Variants in PRRC2C observed in about 807,000 individuals in gnomAD.
PRRC2C encodes proline rich coiled-coil 2C, also known as protein PRRC2C.
PRRC2C carries 72 observed loss-of-function variants against 317.2 expected under a neutral mutation model. That is an observed-to-expected ratio of 0.23 (90% CI 0.19 to 0.28). PRRC2C has a LOEUF of 0.28. PRRC2C is among the 10% of genes least tolerant of loss of function. The pLI, the probability that PRRC2C is intolerant of heterozygous loss-of-function variation, is 1.00. For missense variants in PRRC2C, 3,074 were observed against 3,459.7 expected (o/e 0.89, Z 2.80); for synonymous variants, 1,296 against 1,205.9 (o/e 1.07, Z -1.55).
At position 171,587,309 on chromosome 1, in the gene PRRC2C, A is replaced by G. The variant is rs1650265285; in HGVS notation, c.7968+88A>G. 7 of 1,233,272 alleles carry G rather than the reference A, an allele frequency of 5.7e-6. No individual in the cohort carries two copies. The East Asian group carries it at 1.5e-4, about 27-fold the overall frequency. 76.4% of individuals were successfully genotyped at this position (1,233,272 alleles called of 1,614,324 possible). A position where few individuals can be genotyped will look rare whatever the true frequency, so the allele number is the denominator to read the frequency against. On this transcript the variant is annotated intron_variant, in intron 31 of 34. Transcript: ENST00000647382. Reference sequence around the variant, plus strand: ...CATCTGTGTTATCTAAAAAACTAAAATGCGTCAGTTTTTACCACCCTGCAA... The same window carrying G: ...CATCTGTGTTATCTAAAAAACTAAAGTGCGTCAGTTTTTACCACCCTGCAA...
At position 171,545,503 on chromosome 1, in the gene PRRC2C, C is replaced by T; in HGVS notation, c.4788C>T (p.Gly1596=). 2.5e-6 allele frequency: 4 copies of T among 1,575,170 alleles called. No homozygotes were observed. The highest frequency in any genetic ancestry group is 2.7e-5 in the African/African-American group (2 of 73,796). The change falls in exon 17 of 35, where the codon GGC becomes GGT. Residue 1596 remains glycine (G), a synonymous_variant. Transcript: ENST00000647382. ...KRGPFDDQPA[G]TTGVDLINGS... ...GGCCATTTGATGACCAGCCTGCAGG[C>T]ACAACTGGGGTTGACCTCATCAATG... is the stretch of plus-strand genomic sequence containing the variant.
chr1:171,487,566 A>G (rs992941053), intron 1 of PRRC2C, among the ~76,000 whole-genome samples: 1 of 152,188 alleles, frequency 6.6e-6, no homozygotes, highest in African/African-American at 2.4e-5. Context: ...GAGATAACTT[A>G]AAACTAACTC....
intron 18 of PRRC2C, among the ~76,000 whole-genome samples, chr1:171,552,708 CT>C (rs754481269): frequency 4.3e-4 from 66 of 152,268 alleles, no homozygotes; most frequent in Middle Eastern, 3.4e-3. Context: ...TTTTCTGCAT[CT>C]ATTGAGATAA....
chr1:171,552,504 A>G (rs1680463386), intron 18 of PRRC2C, among the ~76,000 whole-genome samples: 1 of 152,156 alleles, frequency 6.6e-6, no homozygotes, highest in South Asian at 2.1e-4. Context: ...ACTATGCTGA[A>G]TAGGAGTGTT....
rs759483379 is a variant in PRRC2C, at chr1:171,524,889, C to T, written c.1124C>T (p.Thr375Ile). 1.9e-6 allele frequency: 3 copies of T among 1,609,928 alleles called. No individual in the cohort carries two copies. The highest frequency in any genetic ancestry group is 1.7e-6 in the Non-Finnish European group (2 of 1,177,778). The change falls in exon 10 of 35, where the codon ACT (threonine) becomes ATT (isoleucine). Residue 375 changes from threonine (T) to isoleucine (I), a missense_variant. Thr to Ile is a moderately conservative substitution (Grantham distance 89). Around this residue, in one of 11 missense-constraint regions of PRRC2C, gnomAD observed 1,320 missense variants for 1,395.7 expected, o/e 0.95. Coordinates refer to ENST00000647382, the MANE Select transcript of PRRC2C (RefSeq NM_001387844.1). ...AAAGAAACAGATGAAGTTTCCAACACTAAATCATCTTCCCAAATACCTGCC... is the reference window on the plus strand; with the variant it reads ...AAAGAAACAGATGAAGTTTCCAACATTAAATCATCTTCCCAAATACCTGCC... ...NKKETDEVSN[T>I]KSSSQIPAQP...
chr1:171,590,021 C>A (rs1451977012), intron 34 of PRRC2C, among the ~76,000 whole-genome samples: 2 of 149,728 alleles, frequency 1.3e-5, no homozygotes, highest in South Asian at 2.1e-4. Context: ...TTCTTCCCCC[C>A]TTTCCCCTGA....
intron 16 of PRRC2C, among the ~76,000 whole-genome samples, chr1:171,544,969 G>A (rs760717210): frequency 1.8e-4 from 28 of 152,174 alleles, no homozygotes; most frequent in Middle Eastern, 3.4e-3. Context: ...GGATACATTT[G>A]GTTTGTGAAG....
Position 171,535,586 on chromosome 1 carries a change from C to G in PRRC2C, c.2032C>G (p.Gln678Glu). 1.9e-6 allele frequency: 3 copies of G among 1,613,554 alleles called. No individual in the cohort carries two copies. The highest frequency in any genetic ancestry group is 2.5e-6 in the Non-Finnish European group (3 of 1,179,760). Residue 678 changes from glutamine (Q) to glutamate (E), a missense_variant, in exon 13 of 35, where the codon CAG (glutamine) becomes GAG (glutamate). Physicochemically the swap from Gln to Glu is conservative, Grantham distance 29. Transcript: ENST00000647382. Reference protein sequence around the residue: ...QFQKSLPPRFQRQQEQMKQQQ... With the variant: ...QFQKSLPPRFERQQEQMKQQQ... The stretch of plus-strand genomic sequence containing the variant: ...TCAGAAGTCTTTACCTCCACGATTC[C>G]AGCGGCAGCAGGTAATGATAAAAAT...
intron 25 of PRRC2C, among the ~76,000 whole-genome samples, chr1:171,576,402 A>C (rs1163458313): frequency 6.6e-6 from 1 of 152,174 alleles, no homozygotes; most frequent in Non-Finnish European, 1.5e-5. Flanking sequence ...GATTCACTAG[A>C]AGGATAGAAG....
At chr1:171,492,599 AACTGGTC>A (rs1334308405) in intron 1 of PRRC2C, among the ~76,000 whole-genome samples, 1 of 152,080 alleles carries the variant, frequency 6.6e-6, no homozygotes, top group Non-Finnish European at 1.5e-5. Context: ...AGGAGGGGTG[AACTGGTC>A]CAGGTTGGCA....
At chr1:171,523,610 A>G (rs1339949903) in intron 9 of PRRC2C, 88 bp downstream of exon 9, 6 of 1,096,990 alleles carry the variant, frequency 5.5e-6, no homozygotes, top group South Asian at 1.4e-5. Flanking sequence ...TTAATAGACA[A>G]TTGTTTGTTA....
Position 171,541,736 on chromosome 1 carries a change from A to T in PRRC2C, c.4270A>T (p.Arg1424Trp). The T allele has an allele frequency of 6.2e-7, 1 of 1,614,012 alleles. No homozygotes were observed. Among genetic ancestry groups the T allele is most frequent in the Non-Finnish European group, 8.5e-7 (1 of 1,179,888 alleles). Reference sequence around the variant, plus strand: ...TGACCCAGCTAGAGAAAGGCCTCGAAGGCAGCGTCCTACTCGACCACCAAG... The same window carrying T: ...TGACCCAGCTAGAGAAAGGCCTCGATGGCAGCGTCCTACTCGACCACCAAG... Reference protein sequence around the residue: ...KFDPARERPRRQRPTRPPRQD... With the variant: ...KFDPARERPRWQRPTRPPRQD... The change falls in exon 16 of 35, where the codon AGG becomes TGG. Residue 1424 changes from arginine (R) to tryptophan (W), a missense_variant. Arg to Trp is a moderately radical substitution (Grantham distance 101, BLOSUM62 -3). Coordinates refer to ENST00000647382, the MANE Select transcript of PRRC2C (RefSeq NM_001387844.1). This position sits in a 1 kb window ranked among gnomAD's most constrained non-coding sequence, Gnocchi z 4.1.
chr1:171,518,638 C>T (rs1672921352), intron 6 of PRRC2C, among the ~76,000 whole-genome samples: 1 of 133,774 alleles, frequency 7.5e-6, no homozygotes, highest in South Asian at 2.6e-4. Context: ...GCTGAAATTA[C>T]AGGCATATGC....
chr1:171,540,823 T>A lies in PRRC2C; in HGVS notation c.3357T>A (p.Pro1119=), dbSNP rs762116019. 3.1e-6 allele frequency: 5 copies of A among 1,613,752 alleles called. No homozygotes were observed. Among genetic ancestry groups the A allele is most frequent in the Non-Finnish European group, 4.2e-6 (5 of 1,179,822 alleles). The change falls in exon 16 of 35, where the codon CCT becomes CCA. Residue 1119 remains proline (P), a synonymous_variant. Transcript: ENST00000647382. ...LEPVSTVQVE[P]AVKTVNQQTM... ...CTGTGAGTACTGTTCAGGTAGAGCCTGCAGTTAAGACTGTAAACCAACAGA... is the reference window on the plus strand; with the variant it reads ...CTGTGAGTACTGTTCAGGTAGAGCCAGCAGTTAAGACTGTAAACCAACAGA...
chr1:171,512,581 G>T, intron 2 of PRRC2C: 1 of 253,636 alleles, frequency 3.9e-6, no homozygotes. Flanking sequence ...GTGTGTGTGT[G>T]TGTGTGTTAG....
At position 171,579,776 on chromosome 1, in the gene PRRC2C, T is replaced by G. The variant is rs951708124; in HGVS notation, c.7273-52T>G. On this transcript the variant is annotated intron_variant, in intron 27 of 34. Transcript: ENST00000647382. ...TTTTTATATTCCAGTGTTAATGATT[T>G]ATCTGTATGATGTTGATATATATGT... The G allele has an allele frequency of 2.7e-6, 4 of 1,478,590 alleles. No individual in the cohort carries two copies. The African/African-American group carries it at 5.6e-5, about 21-fold the overall frequency. The allele number at this position is 1,478,590 out of a possible 1,614,324, so 91.6% of individuals were successfully genotyped here. A position where few individuals can be genotyped will look rare whatever the true frequency, so the allele number is the denominator to read the frequency against.
At position 171,533,004 on chromosome 1, in the gene PRRC2C, A is replaced by G. The variant is rs752303420; in HGVS notation, c.1873+43A>G. On this transcript the variant is annotated intron_variant, in intron 12 of 34. Transcript: ENST00000647382. ...ATTCTCTTTTAAAAACTTTACAAAG[A>G]GCTTTATGTTGGTTACAGTTTGGGG... The G allele has an allele frequency of 4.9e-5, 72 of 1,480,220 alleles. 2 individuals are homozygous for G. The South Asian group carries it at 9.5e-4, about 20-fold the overall frequency. 91.7% of individuals were successfully genotyped at this position (1,480,220 alleles called of 1,614,324 possible). A position where few individuals can be genotyped will look rare whatever the true frequency, so the allele number is the denominator to read the frequency against.
intron 19 of PRRC2C, among the ~76,000 whole-genome samples, chr1:171,559,509 G>GTTTT (rs869093669): frequency 5.0e-4 from 17 of 33,742 alleles, no homozygotes; most frequent in Non-Finnish European, 9.2e-4. Flanking sequence ...TACCAAGTTT[G>GTTTT]TTTTTTTTTT....
In PRRC2C at chr1:171,517,474, T is replaced by C. The variant is rs566775168; in HGVS notation, c.527-117T>C. On this transcript the variant is annotated intron_variant, in intron 5 of 34. Transcript: ENST00000647382. ...AGCATTAGTAGGACCTGGATTAGAC[T>C]TTTCCTGCTCTTTCACTCTGCTTAC... 1.1e-4 allele frequency: 103 copies of C among 956,294 alleles called. No homozygotes were observed. The African/African-American group carries it at 1.6e-3, about 15-fold the overall frequency. The allele number at this position is 956,294 out of a possible 1,614,324, so 59.2% of individuals were successfully genotyped here.
Sources: allele counts gnomAD v4.1 joint callset (sites outside exome capture counted in the v4.1 genomes callset), GRCh38; gene constraint gnomAD v4.1.1; regional missense constraint gnomAD v4.1.1; non-coding constraint Gnocchi (gnomAD v3.1); transcripts MANE v1.5; gene names NCBI Gene and HGNC (gene_info 2026-07-23, HGNC 2026-07-21).